DMD: variants seen among roughly 807,000 people sequenced by gnomAD.
DMD encodes the protein mutant dystrophin.
In DMD, 63 loss-of-function variants were observed where a neutral mutation model predicts 330.1. The ratio of observed to expected loss-of-function variants is 0.19; its 90% confidence interval spans 0.16 to 0.24. The LOEUF (loss-of-function observed/expected upper bound fraction) is 0.24. DMD is among the 10% of genes least tolerant of loss of function. The probability of loss-of-function intolerance (pLI) is 1.00; values close to 1 mark genes in which losing one functional copy is unlikely to be tolerated. For missense variants in DMD, 3,344 were observed against 2,684.1 expected (o/e 1.25, Z -5.43); for synonymous variants, 1,223 against 959.8 (o/e 1.27, Z -5.07).
intron 29 of DMD, among the ~76,000 whole-genome samples, chrX:32,417,018 T>G (rs2098168682): frequency 8.9e-6 from 1 of 112,253 alleles, no homozygotes; most frequent in South Asian, 3.7e-4. Flanking sequence ...TCATTTTTGA[T>G]AAACTATTTC....
rs375447619 is a variant in DMD at position 33,254,342 on chromosome X, A to G, written c.7+84917T>C. On this transcript the variant is annotated intron_variant, in intron 1 of 17. Coordinates refer to the DMD transcript ENST00000288447. ...TATTAAAAAACATAGACTTGAAAAA[A>G]GATATGATATATTCAATTATAAAAA... Among the ~76,000 whole-genome samples, 30 of 111,049 alleles carry G rather than the reference A, an allele frequency of 2.7e-4. No individual in the cohort carries two copies. In the East Asian group the frequency reaches 2.8e-3, roughly 10 times the overall value.
At chrX:31,490,138 C>T (rs1397256242) in intron 57 of DMD, among the ~76,000 whole-genome samples, 1 of 111,964 alleles carries the variant, frequency 8.9e-6, no homozygotes, top group Non-Finnish European at 1.9e-5. Flanking sequence ...CAAACTTATA[C>T]AAAAATGATG....
At chrX:32,460,711 C>T (rs767614754) in intron 25 of DMD, among the ~76,000 whole-genome samples, 1 of 111,315 alleles carries the variant, frequency 9.0e-6, no homozygotes, top group East Asian at 2.9e-4. Context: ...CAAGTTCCTA[C>T]TACTCGGGTA....
intron 64 of DMD, among the ~76,000 whole-genome samples, chrX:31,214,930 C>CTTTTTTATTT (rs1302015325): frequency 2.2e-5 from 1 of 46,136 alleles, no homozygotes; most frequent in Non-Finnish European, 3.9e-5. Flanking sequence ...TTTTTTATTT[C>CTTTTTTATTT]TTTTTTCTTT....
chrX:31,421,325 G>A (rs2063348781), intron 60 of DMD, among the ~76,000 whole-genome samples: 1 of 112,106 alleles, frequency 8.9e-6, no homozygotes, highest in Non-Finnish European at 1.9e-5. Context: ...GGTAAAATAA[G>A]CTTTGGAATA....
Position 32,870,979 on chromosome X carries a change from A to AAAAAAAAAG in DMD, c.94-21160_94-21159insCTTTTTTTT, listed in dbSNP as rs1557104308. Among the ~76,000 whole-genome samples, 14 of 83,811 alleles carry AAAAAAAAAG rather than the reference A, an allele frequency of 1.7e-4. No individual in the cohort carries two copies. In the East Asian group the frequency reaches 2.5e-3, roughly 15 times the overall value. The allele number at this position is 83,811 out of a possible 115,157, so 72.8% of individuals were successfully genotyped here. On this transcript the variant is annotated intron_variant, in intron 2 of 78. Coordinates refer to ENST00000357033, the MANE Select transcript of DMD (RefSeq NM_004006.3). Reference sequence around the variant, plus strand: ...ACAGCAAAAAAAAAAAAAAAAAAAAAAAAAAAAAACCACAAAACCCATCAT... The same window carrying AAAAAAAAAG: ...ACAGCAAAAAAAAAAAAAAAAAAAAAAAAAAAAAGAAAAAAAAACCACAAAACCCATCAT...
intron 15 of DMD, among the ~76,000 whole-genome samples, chrX:32,571,732 C>A (rs1028926916): frequency 9.0e-6 from 1 of 111,692 alleles, no homozygotes; most frequent in Non-Finnish European, 1.9e-5. Flanking sequence ...GTCATTCCAG[C>A]AATTCCTCTT....
intron 11 of DMD, among the ~76,000 whole-genome samples, chrX:32,634,612 G>A (rs1001584224): frequency 3.6e-5 from 4 of 111,748 alleles, no homozygotes; most frequent in Non-Finnish European, 5.6e-5. Context: ...TCTGGCCCAG[G>A]GTGTGTTCAG....
intron 51 of DMD, among the ~76,000 whole-genome samples, chrX:31,735,304 T>C (rs1312134360): frequency 9.0e-6 from 1 of 111,433 alleles, no homozygotes; most frequent in African/African-American, 3.3e-5. Flanking sequence ...TTCTTTCACA[T>C]AGATATTTCC....
intron 2 of DMD, among the ~76,000 whole-genome samples, chrX:32,962,481 C>T (rs937733648): frequency 2.7e-5 from 3 of 111,192 alleles, no homozygotes; most frequent in African/African-American, 9.8e-5. Flanking sequence ...TTTAAACTGG[C>T]CTGTTTATTA....
chrX:31,225,786 G>C (rs1342229394), intron 63 of DMD, among the ~76,000 whole-genome samples: 1 of 111,780 alleles, frequency 8.9e-6, no homozygotes, highest in Non-Finnish European at 1.9e-5. Context: ...ACCACACTTT[G>C]AGAACCACTC....
chrX:33,141,669 C>G (rs1046432105), intron 1 of DMD, among the ~76,000 whole-genome samples: 1 of 111,634 alleles, frequency 9.0e-6, no homozygotes, highest in African/African-American at 3.3e-5. Context: ...GCTAGAAACT[C>G]AGCAGAGTTT....
chrX:32,648,606 A>G (rs945624824), intron 9 of DMD, among the ~76,000 whole-genome samples: 4 of 112,015 alleles, frequency 3.6e-5, no homozygotes, highest in Non-Finnish European at 7.5e-5. Context: ...TGCAGTTTGT[A>G]AAACAAAATT....
intron 74 of DMD, among the ~76,000 whole-genome samples, chrX:31,153,182 G>A (rs1217966735): frequency 9.0e-6 from 1 of 111,593 alleles, no homozygotes; most frequent in African/African-American, 3.3e-5. Flanking sequence ...TCAGGTCCTG[G>A]TTTCAAGGCT....
chrX:32,600,024 A>C (rs2056012920), intron 12 of DMD, among the ~76,000 whole-genome samples: 1 of 112,367 alleles, frequency 8.9e-6, no homozygotes, highest in Admixed American at 9.5e-5. Flanking sequence ...TCTTCTAAAT[A>C]AGTCTCTAGT....
intron 9 of DMD, among the ~76,000 whole-genome samples, chrX:32,681,150 T>C (rs1208399796): frequency 8.9e-6 from 1 of 111,749 alleles, no homozygotes; most frequent in Admixed American, 9.6e-5. Flanking sequence ...AGTAATACCA[T>C]TTATTGAAAT....
At chrX:33,130,247 G>A (rs1297285377) in intron 1 of DMD, among the ~76,000 whole-genome samples, 2 of 111,778 alleles carry the variant, frequency 1.8e-5, no homozygotes, top group Non-Finnish European at 3.8e-5. Context: ...CAAATACGCA[G>A]TACTGTCTGA....
chrX:33,143,363 T>C (rs1009412267), intron 1 of DMD, among the ~76,000 whole-genome samples: 1 of 111,301 alleles, frequency 9.0e-6, no homozygotes, highest in Admixed American at 9.6e-5. Context: ...ATGAAGTCTT[T>C]ATTATAATCA....
intron 44 of DMD, among the ~76,000 whole-genome samples, chrX:32,199,796 G>GTGTGTGTGTGTT (rs1353697351): frequency 5.2e-5 from 2 of 38,501 alleles, no homozygotes; most frequent in African/African-American, 1.5e-4. Flanking sequence ...GTGTGTGTGT[G>GTGTGTGTGTGTT]TGTGTGTGTG....
Sources: gnomAD v4.1 joint callset for allele counts (sites outside exome capture counted in the v4.1 genomes callset) on GRCh38, gnomAD v4.1.1 for gene constraint, MANE v1.5 for transcripts, NCBI Gene and HGNC (gene_info 2026-07-23, HGNC 2026-07-21) for gene names.